The following GBE1 variants were observed in gnomAD, a reference collection of about 807,000 sequenced individuals.
GBE1 encodes 1,4-alpha-glucan branching enzyme 1, also known as 1,4-alpha-glucan-branching enzyme.
A neutral mutation model predicts 88.8 loss-of-function variants in GBE1; 70 were observed. The ratio of observed to expected loss-of-function variants is 0.79; its 90% CI spans 0.65 to 0.96. GBE1 has a LOEUF of 0.96. Among genes scored for constraint, GBE1 ranks in the 40% least tolerant of loss-of-function variants. The pLI, the probability that GBE1 is intolerant of heterozygous loss-of-function variation, is 0.00. For synonymous variants in GBE1, 284 were observed against 300.1 expected, an observed-to-expected ratio of 0.95 and a Z score of 0.56; for missense variants, 872 against 871.0, an observed-to-expected ratio of 1.00 and a Z score of -0.01.
At chr3:81,534,830 G>T in intron 14 of GBE1, 1 of 163,162 alleles carries the variant, frequency 6.1e-6, no homozygotes, top group Non-Finnish European at 1.3e-5. Flanking sequence ...TAAGTCCAGA[G>T]CCTCTGCTAT....
chr3:81,620,001 C>T (rs1462803862), intron 7 of GBE1, among the ~76,000 whole-genome samples: 1 of 151,518 alleles, frequency 6.6e-6, no homozygotes, highest in Non-Finnish European at 1.5e-5. Context: ...AAAATATCTC[C>T]ATATTTAAAA....
At chr3:81,722,702 C>T (rs1023393877) in intron 1 of GBE1, among the ~76,000 whole-genome samples, 2 of 151,656 alleles carry the variant, frequency 1.3e-5, no homozygotes, top group African/African-American at 2.4e-5. Flanking sequence ...GTAGTCATAA[C>T]TGTCCTAATC....
chr3:81,735,130 T>C (rs1489941909), intron 1 of GBE1, among the ~76,000 whole-genome samples: 3 of 152,170 alleles, frequency 2.0e-5, no homozygotes, highest in African/African-American at 4.8e-5. Context: ...CCTTGGAACA[T>C]ATCCCCCATG....
At chr3:81,725,968 T>TTGGGCACCCAACAA (rs1280520573) in intron 1 of GBE1, among the ~76,000 whole-genome samples, 1 of 152,156 alleles carries the variant, frequency 6.6e-6, no homozygotes, top group Non-Finnish European at 1.5e-5. Context: ...TCTCTTGGCT[T>TTGGGCACCCAACAA]TGGGCACCCA....
chr3:81,605,375 C>A (rs940184714), intron 7 of GBE1, among the ~76,000 whole-genome samples: 1 of 152,132 alleles, frequency 6.6e-6, no homozygotes, highest in Non-Finnish European at 1.5e-5. Context: ...GAAGTTCCAA[C>A]ATCCAGGCAT....
chr3:81,572,191 C>T (rs1703585592), intron 12 of GBE1, among the ~76,000 whole-genome samples: 1 of 152,154 alleles, frequency 6.6e-6, no homozygotes, highest in Admixed American at 6.6e-5. Context: ...TCACCTTCTG[C>T]CTTGACTGTA....
intron 15 of GBE1, among the ~76,000 whole-genome samples, chr3:81,492,816 C>T (rs1248812706): frequency 6.6e-6 from 1 of 151,682 alleles, no homozygotes; most frequent in African/African-American, 2.4e-5. Flanking sequence ...CAGCTCACTG[C>T]AATCTCCGCC....
At chr3:81,543,466 A>T (rs1193152336) in intron 12 of GBE1, among the ~76,000 whole-genome samples, 1 of 152,188 alleles carries the variant, frequency 6.6e-6, no homozygotes, top group Non-Finnish European at 1.5e-5. Context: ...AGCAAATCAC[A>T]GAAAGACTTT....
intron 12 of GBE1, among the ~76,000 whole-genome samples, chr3:81,555,796 G>T (rs1418820180): frequency 2.0e-5 from 3 of 152,142 alleles, no homozygotes; most frequent in Non-Finnish European, 4.4e-5. Flanking sequence ...TGACTGAGAA[G>T]TATCTTTCCT....
At chr3:81,713,482 TAACTG>T (rs1460099105) in intron 1 of GBE1, among the ~76,000 whole-genome samples, 1 of 152,130 alleles carries the variant, frequency 6.6e-6, no homozygotes, top group African/African-American at 2.4e-5. Flanking sequence ...ACAGAGGAGA[TAACTG>T]ATATGATCAG....
intron 2 of GBE1, among the ~76,000 whole-genome samples, chr3:81,674,542 T>C (rs898570361): frequency 5.3e-5 from 8 of 151,836 alleles, no homozygotes; most frequent in African/African-American, 1.2e-4. Flanking sequence ...ATACTGAAAA[T>C]TGATTTTAAG....
intron 7 of GBE1, among the ~76,000 whole-genome samples, chr3:81,632,899 A>G (rs1704536533): frequency 6.6e-6 from 1 of 152,104 alleles, no homozygotes; most frequent in African/African-American, 2.4e-5. Context: ...TGGCCTTACA[A>G]TGCTGGGCAT....
rs560393285 is a variant in GBE1, at chr3:81,661,921, T to C, written c.429+8917A>G. On this transcript the variant is annotated intron_variant, in intron 3 of 15. Coordinates refer to ENST00000429644, the MANE Select transcript of GBE1 (RefSeq NM_000158.4). ...AATCAGAAATATTTCACAATAAAAT[T>C]TGTCTCAATCTCTACTTTGCATTTT... Among the ~76,000 whole-genome samples the C allele has an allele frequency of 5.3e-5, 8 of 152,308 alleles. No individual in the cohort carries two copies. The South Asian group carries it at 1.0e-3, about 20-fold the overall frequency.
At chr3:81,691,127 T>C (rs1238356231) in intron 2 of GBE1, among the ~76,000 whole-genome samples, 2 of 152,198 alleles carry the variant, frequency 1.3e-5, no homozygotes, top group African/African-American at 4.8e-5. Flanking sequence ...TCCAATTTTC[T>C]GTATGCCTAA....
Position 81,702,128 on chromosome 3 carries a change from T to A in GBE1, c.313+3316A>T, listed in dbSNP as rs879308495. 8.2e-3 allele frequency among the ~76,000 whole-genome samples: 1,211 copies of A among 147,392 alleles called. 31 individuals carry two copies. Among genetic ancestry groups the A allele is most frequent in the African/African-American group, 0.024 (978 of 40,096 alleles). ...GTGTGTGTGTGTGTGTGTGTGTGTG[T>A]GTGTGTGTGTGTGTGTGTGTGTGTG... On this transcript the variant is annotated intron_variant, in intron 2 of 15. Coordinates refer to ENST00000429644, the MANE Select transcript of GBE1 (RefSeq NM_000158.4).
At chr3:81,663,229 C>A (rs541643596) in intron 3 of GBE1, among the ~76,000 whole-genome samples, 26 of 152,148 alleles carry the variant, frequency 1.7e-4, no homozygotes, top group Non-Finnish European at 3.5e-4. Context: ...TTTTCCAATA[C>A]CACCCTGGCC....
chr3:81,737,654 GTCT>G (rs138733098), intron 1 of GBE1, among the ~76,000 whole-genome samples: 3,310 of 151,036 alleles, frequency 0.022, 39 homozygotes, highest in Middle Eastern at 0.031. Flanking sequence ...GTACTTTTAT[GTCT>G]TCTTTTTTTA....
At chr3:81,685,623 C>A (rs1471688636) in intron 2 of GBE1, among the ~76,000 whole-genome samples, 1 of 152,088 alleles carries the variant, frequency 6.6e-6, no homozygotes, top group Non-Finnish European at 1.5e-5. Flanking sequence ...CTCAGGCGAT[C>A]CATCTGTCTC....
At chr3:81,620,234 G>A (rs1005184031) in intron 7 of GBE1, among the ~76,000 whole-genome samples, 17 of 149,842 alleles carry the variant, frequency 1.1e-4, no homozygotes, top group African/African-American at 4.2e-4. Flanking sequence ...CTAGGCTAGA[G>A]TGCAGTGGCA....
Sources: gnomAD v4.1 joint callset for allele counts (sites outside exome capture counted in the v4.1 genomes callset) on GRCh38, gnomAD v4.1.1 for gene constraint, MANE v1.5 for transcripts, NCBI Gene and HGNC (gene_info 2026-07-23, HGNC 2026-07-21) for gene names.